Variants in HTR7 observed in about 807,000 individuals in gnomAD.
HTR7 encodes the protein 5-HT-7.
In HTR7, 16 loss-of-function variants were observed where a neutral mutation model predicts 34.0. That is an observed-to-expected ratio of 0.47 (90% CI 0.32 to 0.71). The LOEUF is 0.71. Ranked by LOEUF, HTR7 falls within the 30% of genes least tolerant of loss-of-function variation. The probability of loss-of-function intolerance (pLI) is 0.04; values close to 1 mark genes in which losing one functional copy is unlikely to be tolerated. For synonymous variants in HTR7, 265 were observed against 260.2 expected (o/e 1.02, Z -0.18); for missense variants, 504 against 625.5 (o/e 0.81, Z 2.07).
chr10:90,750,143 T>A (rs1844712050), intron 1 of HTR7, among the ~76,000 whole-genome samples: 1 of 152,178 alleles, frequency 6.6e-6, no homozygotes, highest in Non-Finnish European at 1.5e-5. Flanking sequence ...TCCTAGAGTG[T>A]TGAAATGGTT....
chr10:90,805,079 G>C (rs978095400), intron 1 of HTR7, among the ~76,000 whole-genome samples: 5 of 152,204 alleles, frequency 3.3e-5, no homozygotes, highest in African/African-American at 7.2e-5. Flanking sequence ...CAGGGTACCA[G>C]ATATTACTTT....
chr10:90,767,156 A>G (rs1361466527), intron 1 of HTR7, among the ~76,000 whole-genome samples: 4 of 152,104 alleles, frequency 2.6e-5, no homozygotes, highest in African/African-American at 4.8e-5. Flanking sequence ...CCTCAATTGA[A>G]TAGGGCTACT....
rs1262632501 is a variant in HTR7 at position 90,749,414 on chromosome 10, C to T, written c.720G>A (p.Thr240=). The change falls in exon 2 of 4, where the codon ACG becomes ACA. Residue 240 remains threonine (T), a synonymous_variant. Coordinates refer to ENST00000336152, the MANE Select transcript of HTR7 (RefSeq NM_019859.4). This position sits in a 1 kb window ranked among gnomAD's most constrained non-coding sequence, Gnocchi z 4.2. ...VCLISQDFGY[T]IYSTAVAFYI... ...AAAATGCCACTGCGGTAGAGTAAAT[C>T]GTATAGCCAAAGTCCTGGCTGATCA... 2.5e-6 allele frequency: 4 copies of T among 1,613,990 alleles called. No homozygotes were observed. Among genetic ancestry groups the T allele is most frequent in the East Asian group, 4.5e-5 (2 of 44,884 alleles).
intron 2 of HTR7, among the ~76,000 whole-genome samples, chr10:90,745,224 G>A (rs1209667191): frequency 6.6e-6 from 1 of 152,180 alleles, no homozygotes; most frequent in African/African-American, 2.4e-5. Context: ...TAGTTTGAGA[G>A]GCTGAGAAAT....
At chr10:90,777,976 T>C (rs960757530) in intron 1 of HTR7, among the ~76,000 whole-genome samples, 7 of 152,224 alleles carry the variant, frequency 4.6e-5, no homozygotes, top group African/African-American at 1.7e-4. Context: ...AATTCCTCTA[T>C]GAACACTTCC....
intron 2 of HTR7, among the ~76,000 whole-genome samples, chr10:90,748,109 G>T (rs1161414974): frequency 3.9e-5 from 6 of 152,124 alleles, no homozygotes; most frequent in Non-Finnish European, 7.4e-5. Context: ...GCCAAGATGG[G>T]CAGGAACATT....
intron 1 of HTR7, among the ~76,000 whole-genome samples, chr10:90,817,595 G>A (rs920321651): frequency 1.3e-5 from 2 of 152,112 alleles, no homozygotes; most frequent in African/African-American, 4.8e-5. Context: ...CCTTTTTAAG[G>A]AAAATGTAAA....
At position 90,742,531 on chromosome 10, in the gene HTR7, A is replaced by G; in HGVS notation, c.1394-3T>C. 6.5e-7 allele frequency: 1 copy of G among 1,543,194 alleles called. No individual in the cohort carries two copies. The highest frequency in any genetic ancestry group is 8.9e-7 in the Non-Finnish European group (1 of 1,129,156). On this transcript the variant is annotated splice_polypyrimidine_tract_variant and splice_region_variant and intron_variant, in intron 3 of 3. Transcript: ENST00000336152. The stretch of plus-strand genomic sequence containing the variant: ...TTCTACAGTAGTCAGCATTTTGTCT[A>G]AAAAAAAGAGAGAGAAAAATAGAAA...
intron 1 of HTR7, among the ~76,000 whole-genome samples, chr10:90,767,152 T>C (rs777056704): frequency 6.6e-6 from 1 of 152,196 alleles, no homozygotes; most frequent in Non-Finnish European, 1.5e-5. Flanking sequence ...TGTTCCTCAA[T>C]TGAATAGGGC....
chr10:90,767,761 C>G (rs1306070787), intron 1 of HTR7, among the ~76,000 whole-genome samples: 1 of 152,106 alleles, frequency 6.6e-6, no homozygotes, highest in Non-Finnish European at 1.5e-5. Flanking sequence ...TCAGTGCTTC[C>G]CCAATTATGC....
intron 1 of HTR7, among the ~76,000 whole-genome samples, chr10:90,795,853 G>A (rs1845530021): frequency 6.6e-6 from 1 of 152,226 alleles, no homozygotes; most frequent in African/African-American, 2.4e-5. Flanking sequence ...GGGGTTGAGG[G>A]GTGTTTCCAC....
intron 1 of HTR7, among the ~76,000 whole-genome samples, chr10:90,794,075 GA>G (rs1158467423): frequency 6.6e-6 from 1 of 152,078 alleles, no homozygotes; most frequent in Non-Finnish European, 1.5e-5. Flanking sequence ...ATACACCCAG[GA>G]AAAAATACTT....
intron 1 of HTR7, among the ~76,000 whole-genome samples, chr10:90,852,202 T>TTAAAAAAAAAAA (rs753396835): frequency 7.4e-6 from 1 of 135,252 alleles, no homozygotes; most frequent in African/African-American, 2.8e-5. Flanking sequence ...TTATGTGAAG[T>TTAAAAAAAAAAA]AAAAAAAAAA....
chr10:90,779,652 G>A (rs1249647101), intron 1 of HTR7, among the ~76,000 whole-genome samples: 1 of 152,150 alleles, frequency 6.6e-6, no homozygotes, highest in Non-Finnish European at 1.5e-5. Context: ...CTCCTACAAT[G>A]CCCAGGCCAG....
chr10:90,814,349 T>C (rs1369193819), intron 1 of HTR7, among the ~76,000 whole-genome samples: 2 of 152,214 alleles, frequency 1.3e-5, no homozygotes, highest in Non-Finnish European at 2.9e-5. Context: ...GCTGTGGTTA[T>C]AGGGGCTAAA....
At chr10:90,824,151 A>C (rs1204994616) in intron 1 of HTR7, among the ~76,000 whole-genome samples, 3 of 152,270 alleles carry the variant, frequency 2.0e-5, no homozygotes, top group African/African-American at 7.2e-5. Flanking sequence ...GCGAAGAGCA[A>C]AGAGTTGTCT....
chr10:90,780,908 T>C (rs1489003826), intron 1 of HTR7, among the ~76,000 whole-genome samples: 1 of 152,132 alleles, frequency 6.6e-6, no homozygotes, highest in Non-Finnish European at 1.5e-5. Context: ...TTCCTAAGAG[T>C]TCCATTGGTT....
At chr10:90,829,772 AAT>A (rs1180306564) in intron 1 of HTR7, among the ~76,000 whole-genome samples, 2 of 152,234 alleles carry the variant, frequency 1.3e-5, no homozygotes, top group Non-Finnish European at 1.5e-5. Context: ...TAAACTCAGT[AAT>A]GTTTCAACAT....
intron 1 of HTR7, among the ~76,000 whole-genome samples, chr10:90,769,242 A>C (rs1845070018): frequency 6.6e-6 from 1 of 152,250 alleles, no homozygotes; most frequent in South Asian, 2.1e-4. Flanking sequence ...CACCTGGGTA[A>C]GCTTTGAGTA....
Sources: gnomAD v4.1 joint callset for allele counts (sites outside exome capture counted in the v4.1 genomes callset) on GRCh38, gnomAD v4.1.1 for gene constraint, Gnocchi (gnomAD v3.1) non-coding constraint, MANE v1.5 for transcripts, NCBI Gene and HGNC (gene_info 2026-07-23, HGNC 2026-07-21) for gene names.